Variants in MGMT observed in about 807,000 individuals in gnomAD.
The protein encoded by MGMT is methylated-DNA--protein-cysteine methyltransferase.
In MGMT, 14 loss-of-function variants were observed where a neutral mutation model predicts 15.9. That is an observed-to-expected ratio of 0.88 (90% confidence interval 0.58 to 1.37). The LOEUF is 1.37. Among genes scored for constraint, MGMT ranks in the 40% most tolerant of loss-of-function variants. The pLI, the probability that MGMT is intolerant of heterozygous loss-of-function variation, is 0.00. For synonymous variants in MGMT, 130 were observed against 118.2 expected (o/e 1.10, Z -0.65); for missense variants, 282 against 268.1 (o/e 1.05, Z -0.36).
In MGMT at chr10:129,759,306, G is replaced by A. The variant is rs778989637; in HGVS notation, c.379G>A (p.Ala127Thr). 2.7e-5 allele frequency: 44 copies of A among 1,614,040 alleles called. No individual in the cohort carries two copies. The highest frequency in any genetic ancestry group is 3.6e-5 in the Non-Finnish European group (42 of 1,180,038). ...LAALAGNPKAARAVGGAMRGN... is the reference protein window; with the variant it reads ...LAALAGNPKATRAVGGAMRGN... ...AGCCCTGGCAGGCAACCCCAAAGCC[G>A]CGCGAGCAGTGGGAGGAGCAATGAG... The change falls in exon 4 of 5, where the codon GCG becomes ACG. Residue 127 changes from alanine (A) to threonine (T), a missense_variant. Ala to Thr is a moderately conservative substitution (Grantham distance 58, BLOSUM62 0). Transcript: ENST00000651593.
chr10:129,615,232 CAAAG>C (rs962735618), intron 2 of MGMT, among the ~76,000 whole-genome samples: 9 of 152,164 alleles, frequency 5.9e-5, no homozygotes, highest in Non-Finnish European at 1.3e-4. Context: ...TTTTAATTGT[CAAAG>C]GAAGGGACTG....
chr10:129,479,440 A>T (rs781445449), intron 1 of MGMT, among the ~76,000 whole-genome samples: 1 of 151,882 alleles, frequency 6.6e-6, no homozygotes, highest in Non-Finnish European at 1.5e-5. Flanking sequence ...AAATGTTTTC[A>T]TATGGAATTG....
Position 129,766,849 on chromosome 10 carries a change from C to T in MGMT, c.476C>T (p.Ser159Phe). The T allele has an allele frequency of 6.2e-7, 1 of 1,613,760 alleles. No homozygotes were observed. The highest frequency in any genetic ancestry group is 8.5e-7 in the Non-Finnish European group (1 of 1,180,046). ...VCSSGAVGNY[S>F]GGLAVKEWLL... Reference sequence around the variant, plus strand: ...AGCAGCGGAGCCGTGGGCAACTACTCCGGAGGACTGGCCGTGAAGGAATGG... The same window carrying T: ...AGCAGCGGAGCCGTGGGCAACTACTTCGGAGGACTGGCCGTGAAGGAATGG... Residue 159 changes from serine to phenylalanine, a missense_variant, in exon 5 of 5, where the codon TCC becomes TTC. Coordinates refer to ENST00000651593, the MANE Select transcript of MGMT (RefSeq NM_002412.5).
At chr10:129,761,514 G>A (rs758404163) in intron 4 of MGMT, among the ~76,000 whole-genome samples, 1 of 152,192 alleles carries the variant, frequency 6.6e-6, no homozygotes, top group Non-Finnish European at 1.5e-5. Context: ...TGCTTGTGGC[G>A]ATATTCGGAG....
At chr10:129,710,781 T>TTACTCAGA (rs2133145230) in intron 3 of MGMT, among the ~76,000 whole-genome samples, 1 of 152,260 alleles carries the variant, frequency 6.6e-6, no homozygotes, top group South Asian at 2.1e-4. Context: ...CTGGAAGCTG[T>TTACTCAGA]GGAGTAACAG....
At chr10:129,557,877 T>C (rs1846231664) in intron 2 of MGMT, among the ~76,000 whole-genome samples, 1 of 152,198 alleles carries the variant, frequency 6.6e-6, no homozygotes, top group Non-Finnish European at 1.5e-5. Context: ...TAATCCAAAA[T>C]ATTGGGTCTA....
intron 1 of MGMT, among the ~76,000 whole-genome samples, chr10:129,514,797 C>T (rs772715200): frequency 6.6e-6 from 1 of 152,232 alleles, no homozygotes; most frequent in Non-Finnish European, 1.5e-5. Context: ...TGGTCTTAGA[C>T]TTCCTGGCCT....
intron 2 of MGMT, among the ~76,000 whole-genome samples, chr10:129,558,066 C>T (rs1384587910): frequency 6.6e-6 from 1 of 152,202 alleles, no homozygotes; most frequent in Non-Finnish European, 1.5e-5. Context: ...CGTAACACCA[C>T]ATCATCCCAC....
chr10:129,584,694 G>A (rs1846598970), intron 2 of MGMT, among the ~76,000 whole-genome samples: 1 of 152,078 alleles, frequency 6.6e-6, no homozygotes, highest in African/African-American at 2.4e-5. Flanking sequence ...CTGTGTCTGT[G>A]GTTTTCCCTG....
At chr10:129,721,617 A>G (rs1294416041) in intron 3 of MGMT, among the ~76,000 whole-genome samples, 1 of 152,244 alleles carries the variant, frequency 6.6e-6, no homozygotes, top group African/African-American at 2.4e-5. Flanking sequence ...TATGACAACA[A>G]TAGCATAGAA....
intron 2 of MGMT, among the ~76,000 whole-genome samples, chr10:129,686,757 C>T (rs868108892): frequency 1.2e-4 from 19 of 152,134 alleles, no homozygotes; most frequent in African/African-American, 4.1e-4. Context: ...TGACATCATG[C>T]GAACAAGTGA....
intron 1 of MGMT, among the ~76,000 whole-genome samples, chr10:129,472,007 C>G (rs531603163): frequency 1.3e-5 from 2 of 152,300 alleles, no homozygotes; most frequent in South Asian, 4.1e-4. Context: ...GTTACCAAAA[C>G]TTTGGCGTCA....
chr10:129,549,878 C>T (rs932620140), intron 2 of MGMT, among the ~76,000 whole-genome samples: 1 of 152,000 alleles, frequency 6.6e-6, no homozygotes, highest in Admixed American at 6.6e-5. Context: ...TTTTAAAATC[C>T]ATTTACAGTT....
intron 4 of MGMT, 38 bp downstream of exon 4, chr10:129,759,379 G>A: frequency 6.2e-7 from 1 of 1,612,860 alleles, no homozygotes; most frequent in South Asian, 1.1e-5. Context: ...GTGGGTGGCG[G>A]GTGCGTGCAG....
At chr10:129,567,894 T>C (rs1276032893) in intron 2 of MGMT, among the ~76,000 whole-genome samples, 3 of 152,212 alleles carry the variant, frequency 2.0e-5, no homozygotes, top group African/African-American at 7.2e-5. Flanking sequence ...AACAAACATC[T>C]GTCATTGAAA....
At chr10:129,543,616 G>T (rs1273290392) in intron 2 of MGMT, among the ~76,000 whole-genome samples, 1 of 152,144 alleles carries the variant, frequency 6.6e-6, no homozygotes, top group East Asian at 1.9e-4. Context: ...GTAGACAGTG[G>T]TGGCAGCCAG....
intron 1 of MGMT, among the ~76,000 whole-genome samples, chr10:129,475,937 C>A (rs1290264429): frequency 6.6e-6 from 1 of 152,240 alleles, no homozygotes; most frequent in Non-Finnish European, 1.5e-5. Context: ...AGCCACAATC[C>A]ATGACCATAT....
At chr10:129,766,514 G>A (rs557809499) in intron 4 of MGMT, among the ~76,000 whole-genome samples, 2 of 152,306 alleles carry the variant, frequency 1.3e-5, no homozygotes, top group East Asian at 1.9e-4. Flanking sequence ...CCAAATCGTG[G>A]GCCTAAAGCA....
intron 3 of MGMT, among the ~76,000 whole-genome samples, chr10:129,758,188 C>T (rs561408245): frequency 6.6e-6 from 1 of 152,326 alleles, no homozygotes; most frequent in South Asian, 2.1e-4. Flanking sequence ...ATTTAACACA[C>T]ATGTAAGGGT....
Sources: gnomAD v4.1 joint callset for allele counts (sites outside exome capture counted in the v4.1 genomes callset) on GRCh38, gnomAD v4.1.1 for gene constraint, MANE v1.5 for transcripts, NCBI Gene and HGNC (gene_info 2026-07-23, HGNC 2026-07-21) for gene names.